The following NKAIN2 variants were observed in gnomAD, a reference collection of about 807,000 sequenced individuals.
NKAIN2 encodes sodium/potassium-transporting ATPase subunit beta-1-interacting protein 2.
Under a neutral mutation model 32.6 loss-of-function variants are expected in NKAIN2, and 14 were observed. The ratio of observed to expected loss-of-function variants is 0.43; its 90% CI spans 0.28 to 0.67. The LOEUF (loss-of-function observed/expected upper bound fraction) is 0.67, where lower values mean the gene tolerates loss of function less well. Ranked by LOEUF, NKAIN2 falls within the 30% of genes least tolerant of loss-of-function variation. The pLI is 0.17. For missense variants in NKAIN2, 198 were observed against 258.3 expected (o/e 0.77, Z 1.60); for synonymous variants, 80 against 87.2 (o/e 0.92, Z 0.46).
intron 3 of NKAIN2, among the ~76,000 whole-genome samples, chr6:124,630,672 A>G (rs929176951): frequency 2.6e-4 from 39 of 152,152 alleles, no homozygotes; most frequent in Non-Finnish European, 5.9e-5. Flanking sequence ...TTTCCTCAAC[A>G]TGAAATATTT....
At chr6:124,742,250 A>G (rs564617142) in intron 4 of NKAIN2, among the ~76,000 whole-genome samples, 1 of 151,992 alleles carries the variant, frequency 6.6e-6, no homozygotes, top group Admixed American at 6.6e-5. Flanking sequence ...ATTTGAATCA[A>G]TAAACTGAGT....
intron 1 of NKAIN2, among the ~76,000 whole-genome samples, chr6:124,190,347 A>T (rs542727509): frequency 5.9e-5 from 9 of 152,380 alleles, no homozygotes; most frequent in Admixed American, 5.9e-4. Flanking sequence ...GATTTTAACC[A>T]TTCAAATGAA....
intron 1 of NKAIN2, among the ~76,000 whole-genome samples, chr6:123,823,943 T>C (rs963413896): frequency 2.0e-5 from 3 of 152,116 alleles, no homozygotes; most frequent in Non-Finnish European, 1.5e-5. Flanking sequence ...TAGGAATAGA[T>C]GGAAAACACA....
chr6:124,500,421 GGT>G (rs1199607657), intron 3 of NKAIN2, among the ~76,000 whole-genome samples: 2 of 152,020 alleles, frequency 1.3e-5, no homozygotes, highest in Non-Finnish European at 2.9e-5. Flanking sequence ...GGCTGAGGCT[GGT>G]GGATCACTTG....
At chr6:124,632,498 A>AACTT (rs1301082757) in intron 3 of NKAIN2, among the ~76,000 whole-genome samples, 1 of 152,112 alleles carries the variant, frequency 6.6e-6, no homozygotes, top group Admixed American at 6.6e-5. Flanking sequence ...TTGTGCCTTA[A>AACTT]ACTTCTAATT....
At chr6:124,038,243 G>GTT (rs201559944) in intron 1 of NKAIN2, among the ~76,000 whole-genome samples, 1 of 146,184 alleles carries the variant, frequency 6.8e-6, no homozygotes, top group Non-Finnish European at 1.5e-5. Flanking sequence ...GATGTGAAAA[G>GTT]TTTTTTTTTT....
At chr6:123,809,017 G>A (rs1013209997) in intron 1 of NKAIN2, among the ~76,000 whole-genome samples, 8 of 152,122 alleles carry the variant, frequency 5.3e-5, no homozygotes, top group Non-Finnish European at 8.8e-5. Context: ...TTAAATATTC[G>A]TATATACAGA....
At chr6:123,984,678 C>T (rs745526108) in intron 1 of NKAIN2, among the ~76,000 whole-genome samples, 25 of 151,992 alleles carry the variant, frequency 1.6e-4, no homozygotes, top group Non-Finnish European at 8.8e-5. Flanking sequence ...ATGTTACCAC[C>T]GTTTAGTTAT....
At chr6:124,317,307 C>T (rs1183495560) in intron 2 of NKAIN2, among the ~76,000 whole-genome samples, 1 of 152,044 alleles carries the variant, frequency 6.6e-6, no homozygotes, top group African/African-American at 2.4e-5. Flanking sequence ...CATCAAGTAC[C>T]TCTTAAGGTT....
At chr6:124,578,730 G>A (rs1781419642) in intron 3 of NKAIN2, among the ~76,000 whole-genome samples, 1 of 151,974 alleles carries the variant, frequency 6.6e-6, no homozygotes, top group African/African-American at 2.4e-5. Flanking sequence ...GAACGTAAGT[G>A]GTAGCCAGGC....
At chr6:124,795,747 G>A (rs1330913091) in intron 5 of NKAIN2, among the ~76,000 whole-genome samples, 2 of 152,080 alleles carry the variant, frequency 1.3e-5, no homozygotes, top group East Asian at 3.9e-4. Context: ...AGCCTCACAT[G>A]TGGAAAAGAG....
intron 3 of NKAIN2, among the ~76,000 whole-genome samples, chr6:124,625,430 C>G (rs900865478): frequency 2.0e-5 from 3 of 152,088 alleles, no homozygotes; most frequent in Non-Finnish European, 4.4e-5. Context: ...CAGGGCAGGA[C>G]AATGCGAGAG....
intron 3 of NKAIN2, among the ~76,000 whole-genome samples, chr6:124,393,610 A>G (rs1350998266): frequency 6.6e-6 from 1 of 152,184 alleles, no homozygotes; most frequent in African/African-American, 2.4e-5. Context: ...AATTAAAAGG[A>G]TGAATCATAA....
intron 1 of NKAIN2, among the ~76,000 whole-genome samples, chr6:124,077,944 T>A (rs1204457973): frequency 6.6e-6 from 1 of 152,138 alleles, no homozygotes; most frequent in Non-Finnish European, 1.5e-5. Flanking sequence ...TATGAAAAAC[T>A]AAAAGTTTAG....
chr6:123,960,941 G>A (rs994696458), intron 1 of NKAIN2, among the ~76,000 whole-genome samples: 1 of 151,814 alleles, frequency 6.6e-6, no homozygotes, highest in Non-Finnish European at 1.5e-5. Context: ...ACGGAAATAT[G>A]TCTTCCATTC....
intron 3 of NKAIN2, among the ~76,000 whole-genome samples, chr6:124,559,821 T>G (rs2114888985): frequency 7.5e-6 from 1 of 133,998 alleles, no homozygotes; most frequent in Admixed American, 8.3e-5. Flanking sequence ...GGAAGGCGAG[T>G]AAGAAATAAA....
chr6:124,134,363 G>T (rs1269332621), intron 1 of NKAIN2, among the ~76,000 whole-genome samples: 1 of 151,946 alleles, frequency 6.6e-6, no homozygotes. Context: ...AAGAAATTTG[G>T]GATTATGTTA....
chr6:123,957,183 G>A (rs2114601780), intron 1 of NKAIN2, among the ~76,000 whole-genome samples: 1 of 152,158 alleles, frequency 6.6e-6, no homozygotes, highest in South Asian at 2.1e-4. Context: ...GTCAGATTAG[G>A]CTATGAAAGC....
intron 1 of NKAIN2, among the ~76,000 whole-genome samples, chr6:124,237,819 A>G (rs908966066): frequency 6.6e-6 from 1 of 152,084 alleles, no homozygotes; most frequent in Non-Finnish European, 1.5e-5. Context: ...TGGTATTTTC[A>G]GCTTGATAAC....
Sources: allele counts gnomAD v4.1 joint callset (sites outside exome capture counted in the v4.1 genomes callset), GRCh38; gene constraint gnomAD v4.1.1; transcripts MANE v1.5; gene names NCBI Gene and HGNC (gene_info 2026-07-23, HGNC 2026-07-21).